CDK19: variants seen among roughly 807,000 people sequenced by gnomAD.
CDK19 encodes cyclin dependent kinase 19.
In CDK19, 20 loss-of-function variants were observed where a neutral mutation model predicts 68.3. That is an observed-to-expected ratio of 0.29 (90% confidence interval 0.21 to 0.43). The LOEUF (loss-of-function observed/expected upper bound fraction) is 0.43. Among genes scored for constraint, CDK19 ranks in the 20% least tolerant of loss-of-function variants. The probability of loss-of-function intolerance (pLI) is 1.00; values close to 1 mark genes in which losing one functional copy is unlikely to be tolerated. For missense variants in CDK19, 339 were observed against 623.5 expected (o/e 0.54, Z 4.86); for synonymous variants, 221 against 222.8 (o/e 0.99, Z 0.07).
At chr6:110,815,739 C>T (rs1334004363), upstream of CDK19, 1 of 152,522 alleles carries the variant, frequency 6.6e-6, no homozygotes, top group Non-Finnish European at 1.5e-5. Flanking sequence ...GTGCCTTACT[C>T]TAGTGGGAAG....
At chr6:110,733,708 C>A (rs964142323) in intron 2 of CDK19, among the ~76,000 whole-genome samples, 3 of 151,618 alleles carry the variant, frequency 2.0e-5, no homozygotes, top group Non-Finnish European at 2.9e-5. Flanking sequence ...ATATATATCG[C>A]TAAAACACAA....
At chr6:110,681,917 T>G (rs1772052736) in intron 2 of CDK19, among the ~76,000 whole-genome samples, 1 of 152,230 alleles carries the variant, frequency 6.6e-6, no homozygotes, top group South Asian at 2.1e-4. Flanking sequence ...TTTTAAAGTG[T>G]CCACTTTTCA....
chr6:110,707,943 G>T (rs1774646963), intron 2 of CDK19, among the ~76,000 whole-genome samples: 1 of 152,180 alleles, frequency 6.6e-6, no homozygotes. Flanking sequence ...CTGCACTCCA[G>T]CCTGGGCGAC....
At chr6:110,796,590 G>A (rs1380016349) in intron 1 of CDK19, among the ~76,000 whole-genome samples, 9 of 150,860 alleles carry the variant, frequency 6.0e-5, no homozygotes, top group South Asian at 4.2e-4. Flanking sequence ...CAGAGGTTGC[G>A]GTGAGCTGAG....
chr6:110,789,142 G>C lies in CDK19; in HGVS notation c.128+25867C>G, dbSNP rs542607877. ...ATTGGCTATGAAATTATTATATTAA[G>C]TAGTACAGTATGTACAACAGTGAAT... On this transcript the variant is annotated intron_variant, in intron 1 of 12. Transcript: ENST00000368911. Among the ~76,000 whole-genome samples, 88 of 152,274 alleles carry C rather than the reference G, an allele frequency of 5.8e-4. 1 individual carries two copies. Among genetic ancestry groups the C allele is most frequent in the African/African-American group, 2.0e-3 (83 of 41,572 alleles).
chr6:110,635,865 C>A (rs536391714), intron 5 of CDK19, among the ~76,000 whole-genome samples: 25 of 152,260 alleles, frequency 1.6e-4, no homozygotes, highest in Non-Finnish European at 3.2e-4. Context: ...AAGCAAAAAA[C>A]AACACTGTAT....
intron 2 of CDK19, among the ~76,000 whole-genome samples, chr6:110,712,427 T>C (rs1775014797): frequency 1.3e-5 from 2 of 152,200 alleles, no homozygotes; most frequent in Non-Finnish European, 2.9e-5. Flanking sequence ...ATTTACTAGA[T>C]AAAGATACTG....
At position 110,798,548 on chromosome 6, in the gene CDK19, C is replaced by T. The variant is rs559005093; in HGVS notation, c.128+16461G>A. ...CTGAGGGCAAGAGAATCCCTTGAAC[C>T]CGGGAGACAGAGGTTGCAGTGAGCC... On this transcript the variant is annotated intron_variant, in intron 1 of 12. Transcript: ENST00000368911. Among the ~76,000 whole-genome samples, 4 of 150,814 alleles carry T rather than the reference C, an allele frequency of 2.7e-5. No homozygotes were observed. The South Asian group carries it at 8.4e-4, about 32-fold the overall frequency.
At chr6:110,645,043 A>T (rs1005597506) in intron 4 of CDK19, among the ~76,000 whole-genome samples, 2 of 152,196 alleles carry the variant, frequency 1.3e-5, no homozygotes, top group African/African-American at 4.8e-5. Flanking sequence ...TCAATTATTC[A>T]TATGTCAAAC....
intron 2 of CDK19, among the ~76,000 whole-genome samples, chr6:110,723,815 T>C (rs1421420669): frequency 1.3e-5 from 2 of 152,214 alleles, no homozygotes; most frequent in African/African-American, 2.4e-5. Context: ...TGATGTTTCT[T>C]CCCTTGCTGA....
Position 110,715,062 on chromosome 6 carries a change from G to A in CDK19, c.204+31064C>T, listed in dbSNP as rs149639650. ...AAATGTCTTTTCAAGTCCCTTGCCCGGTTTTTAATGGGGTTTCTTTTTTGT... is the reference window on the plus strand; with the variant it reads ...AAATGTCTTTTCAAGTCCCTTGCCCAGTTTTTAATGGGGTTTCTTTTTTGT... On this transcript the variant is annotated intron_variant, in intron 2 of 12. Coordinates refer to ENST00000368911, the MANE Select transcript of CDK19 (RefSeq NM_015076.5). Among the ~76,000 whole-genome samples, 16 of 151,870 alleles carry A rather than the reference G, an allele frequency of 1.1e-4. 1 individual carries two copies. Among genetic ancestry groups the A allele is most frequent in the Non-Finnish European group, 1.8e-4 (12 of 67,960 alleles).
At chr6:110,656,546 G>A (rs1781318680) in intron 4 of CDK19, among the ~76,000 whole-genome samples, 6 of 152,184 alleles carry the variant, frequency 3.9e-5, no homozygotes, top group Admixed American at 3.9e-4. Flanking sequence ...TGTAAATCAG[G>A]AGAAACCTGT....
At chr6:110,627,185 T>A in intron 6 of CDK19, 40 bp from the exon 7 acceptor site, 1 of 1,490,234 alleles carries the variant, frequency 6.7e-7, no homozygotes, top group Non-Finnish European at 9.2e-7. Flanking sequence ...TATATTTCCT[T>A]GGTTATAATT....
At chr6:110,665,082 G>A (rs2817767) in intron 4 of CDK19, among the ~76,000 whole-genome samples, 5,408 of 152,284 alleles carry the variant, frequency 0.036, 309 homozygotes, top group African/African-American at 0.12. Context: ...AAATAAGGAA[G>A]TAGAGTTTTA....
rs139477098 is a variant in CDK19, at chr6:110,758,021, A to T, written c.129-11820T>A. Reference sequence around the variant, plus strand: ...AGCCTGGGCAACGTGGCAAGACCCCATCTCTAAAAAAAATTTAAAAATTGG... The same window carrying T: ...AGCCTGGGCAACGTGGCAAGACCCCTTCTCTAAAAAAAATTTAAAAATTGG... On this transcript the variant is annotated intron_variant, in intron 1 of 12. Coordinates refer to ENST00000368911, the MANE Select transcript of CDK19 (RefSeq NM_015076.5). Among the ~76,000 whole-genome samples the T allele has an allele frequency of 1.1e-3, 170 of 152,116 alleles. 1 individual carries two copies. Among genetic ancestry groups the T allele is most frequent in the African/African-American group, 4.0e-3 (168 of 41,498 alleles).
At chr6:110,614,842 G>A (rs1445649105) in intron 12 of CDK19, among the ~76,000 whole-genome samples, 176 bp from the exon 13 acceptor site, 1 of 152,156 alleles carries the variant, frequency 6.6e-6, no homozygotes, top group Non-Finnish European at 1.5e-5. Flanking sequence ...ATCACAGCCT[G>A]CCACCACTGT....
chr6:110,764,871 A>C (rs1310630792), intron 1 of CDK19, among the ~76,000 whole-genome samples: 2 of 151,920 alleles, frequency 1.3e-5, no homozygotes, highest in Non-Finnish European at 2.9e-5. Context: ...GAATTGCTTG[A>C]ACTCAGGAGT....
intron 2 of CDK19, among the ~76,000 whole-genome samples, chr6:110,707,512 A>G (rs1208883497): frequency 6.6e-6 from 1 of 152,140 alleles, no homozygotes; most frequent in Non-Finnish European, 1.5e-5. Context: ...ACAAACATAC[A>G]ATATTTTCAC....
chr6:110,625,916 G>A (rs1040785414), intron 8 of CDK19, among the ~76,000 whole-genome samples: 1 of 152,174 alleles, frequency 6.6e-6, no homozygotes, highest in Non-Finnish European at 1.5e-5. Flanking sequence ...CCATAGAGAA[G>A]CTCTTCCACA....
Sources: allele counts gnomAD v4.1 joint callset (sites outside exome capture counted in the v4.1 genomes callset), GRCh38; gene constraint gnomAD v4.1.1; transcripts MANE v1.5; gene names NCBI Gene and HGNC (gene_info 2026-07-23, HGNC 2026-07-21).